Variants in KCNH5 observed in about 807,000 individuals in gnomAD.
KCNH5 encodes voltage-gated delayed rectifier potassium channel KCNH5.
In KCNH5, 46 loss-of-function variants were observed where a neutral mutation model predicts 96.1. The ratio of observed to expected loss-of-function variants is 0.48; its 90% CI spans 0.38 to 0.61. The LOEUF (loss-of-function observed/expected upper bound fraction) is 0.61, where lower values mean the gene tolerates loss of function less well. KCNH5 is among the 20% of genes least tolerant of loss of function. The pLI is 0.00. For missense variants in KCNH5, 907 were observed against 1,225.8 expected, an observed-to-expected ratio of 0.74 and a Z score of 3.88; for synonymous variants, 439 against 449.8, an observed-to-expected ratio of 0.98 and a Z score of 0.30.
intron 7 of KCNH5, among the ~76,000 whole-genome samples, chr14:62,916,494 A>G (rs1889277416): frequency 6.6e-6 from 1 of 152,248 alleles, no homozygotes; most frequent in Non-Finnish European, 1.5e-5. Flanking sequence ...AGAAATAATT[A>G]ACTTCGAGGG....
At chr14:62,861,168 T>G (rs954251286) in intron 7 of KCNH5, among the ~76,000 whole-genome samples, 2 of 152,142 alleles carry the variant, frequency 1.3e-5, no homozygotes, top group South Asian at 2.1e-4. Context: ...ACACACAACT[T>G]TATGTTCTCA....
Position 62,873,258 on chromosome 14 carries a change from A to G in KCNH5, c.1370-23406T>C, listed in dbSNP as rs549522147. On this transcript the variant is annotated intron_variant, in intron 7 of 10. Transcript: ENST00000322893. ...TATATACCCTCAAGTGTAAAAATTA[A>G]TTTGTTTTAAGCTATTAAAAAAGGA... is the stretch of plus-strand genomic sequence containing the variant. Among the ~76,000 whole-genome samples, 14 of 152,334 alleles carry G rather than the reference A, an allele frequency of 9.2e-5. No homozygotes were observed. In the South Asian group the frequency reaches 2.5e-3, roughly 27 times the overall value.
At chr14:62,748,549 CT>C (rs1291655333) in intron 10 of KCNH5, among the ~76,000 whole-genome samples, 1 of 152,108 alleles carries the variant, frequency 6.6e-6, no homozygotes, top group African/African-American at 2.4e-5. Flanking sequence ...TCGAATGCCC[CT>C]GACATATCTC....
At chr14:62,892,861 C>T (rs561965712) in intron 7 of KCNH5, among the ~76,000 whole-genome samples, 1 of 152,102 alleles carries the variant, frequency 6.6e-6, no homozygotes. Context: ...GTGTACCCCC[C>T]CAAAAATTTT....
At chr14:63,021,301 C>T (rs41422646) in intron 1 of KCNH5, among the ~76,000 whole-genome samples, 7,789 of 152,092 alleles carry the variant, frequency 0.051, 229 homozygotes, top group East Asian at 0.061. Flanking sequence ...AAATCCTTTC[C>T]GAGGCTAACA....
At chr14:62,974,394 T>A (rs139930993) in intron 6 of KCNH5, among the ~76,000 whole-genome samples, 4 of 152,300 alleles carry the variant, frequency 2.6e-5, no homozygotes, top group African/African-American at 9.6e-5. Context: ...CCCAAAGCTG[T>A]ATTCAAATGC....
chr14:62,973,363 T>A lies in KCNH5; in HGVS notation c.942+7509A>T, dbSNP rs189069739. 2.6e-5 allele frequency among the ~76,000 whole-genome samples: 4 copies of A among 152,282 alleles called. No individual in the cohort carries two copies. The East Asian group carries it at 7.7e-4, about 29-fold the overall frequency. ...ATTGGTTTGTCCCCTCAAATATATATGTTAAAACTTAATCCTCAATGCAAT... is the reference window on the plus strand; with the variant it reads ...ATTGGTTTGTCCCCTCAAATATATAAGTTAAAACTTAATCCTCAATGCAAT... On this transcript the variant is annotated intron_variant, in intron 6 of 10. Transcript: ENST00000322893.
At chr14:62,871,940 C>A (rs1176349261) in intron 7 of KCNH5, among the ~76,000 whole-genome samples, 1 of 152,184 alleles carries the variant, frequency 6.6e-6, no homozygotes, top group Non-Finnish European at 1.5e-5. Flanking sequence ...GTCAGTGAAT[C>A]CAATGCTCTG....
intron 7 of KCNH5, among the ~76,000 whole-genome samples, chr14:62,861,660 A>ACACACACAC (rs1421106535): frequency 2.9e-5 from 4 of 139,970 alleles, no homozygotes; most frequent in Non-Finnish European, 6.3e-5. Context: ...ACACACACAC[A>ACACACACAC]CACACACACA....
At chr14:62,748,915 G>T (rs544779736) in intron 10 of KCNH5, among the ~76,000 whole-genome samples, 1 of 152,198 alleles carries the variant, frequency 6.6e-6, no homozygotes, top group African/African-American at 2.4e-5. Context: ...AAACAGAAAG[G>T]CTTTCCAAGA....
chr14:62,737,239 AT>A (rs1885177585), intron 10 of KCNH5, among the ~76,000 whole-genome samples: 1 of 152,106 alleles, frequency 6.6e-6, no homozygotes, highest in East Asian at 1.9e-4. Context: ...CAAGGACTTC[AT>A]TTTTTGTTGG....
chr14:62,797,933 T>G (rs537367174), intron 9 of KCNH5, among the ~76,000 whole-genome samples: 9 of 152,144 alleles, frequency 5.9e-5, no homozygotes, highest in Admixed American at 5.9e-4. Context: ...GCCAGACTGG[T>G]CTCCAAGTCC....
Position 62,843,832 on chromosome 14 carries a change from C to T in KCNH5, c.1569+5821G>A, listed in dbSNP as rs556483476. On this transcript the variant is annotated intron_variant, in intron 8 of 10. Coordinates refer to ENST00000322893, the MANE Select transcript of KCNH5 (RefSeq NM_139318.5). ...GGAACCTCTTGAAGTATTTTAATAT[C>T]GAACCAAGAAAATGATGACATGTAT... Among the ~76,000 whole-genome samples the T allele has an allele frequency of 9.2e-5, 14 of 151,886 alleles. No homozygotes were observed. The South Asian group carries it at 2.3e-3, about 25-fold the overall frequency.
intron 6 of KCNH5, among the ~76,000 whole-genome samples, chr14:62,958,679 C>T (rs1387328020): frequency 1.3e-5 from 2 of 152,122 alleles, no homozygotes; most frequent in Admixed American, 6.6e-5. Flanking sequence ...CCCTAAATTG[C>T]TTAGCATCAC....
At chr14:62,925,732 A>T (rs953936453) in intron 7 of KCNH5, among the ~76,000 whole-genome samples, 2 of 152,130 alleles carry the variant, frequency 1.3e-5, no homozygotes, top group African/African-American at 4.8e-5. Context: ...TAAGACCACA[A>T]TAAAGCTTGT....
chr14:62,901,353 T>C (rs1190180700), intron 7 of KCNH5, among the ~76,000 whole-genome samples: 1 of 152,102 alleles, frequency 6.6e-6, no homozygotes, highest in Non-Finnish European at 1.5e-5. Flanking sequence ...TAGTACACAA[T>C]AGTTTTCCAA....
intron 9 of KCNH5, among the ~76,000 whole-genome samples, chr14:62,782,298 C>T (rs1886235536): frequency 6.6e-6 from 1 of 152,142 alleles, no homozygotes; most frequent in Non-Finnish European, 1.5e-5. Context: ...TTAAGAGGCA[C>T]TTCAGGGTAC....
intron 6 of KCNH5, among the ~76,000 whole-genome samples, chr14:62,969,576 G>C (rs866560790): frequency 1.3e-5 from 2 of 151,724 alleles, no homozygotes; most frequent in Admixed American, 1.3e-4. Flanking sequence ...ACACACACTG[G>C]GGCCTGATGG....
At chr14:62,734,063 T>C (rs1885106708) in intron 10 of KCNH5, among the ~76,000 whole-genome samples, 2 of 152,170 alleles carry the variant, frequency 1.3e-5, no homozygotes, top group South Asian at 4.1e-4. Flanking sequence ...TCCTAACTAA[T>C]GATTATCCTC....
Sources: gnomAD v4.1 joint callset for allele counts (sites outside exome capture counted in the v4.1 genomes callset) on GRCh38, gnomAD v4.1.1 for gene constraint, MANE v1.5 for transcripts, NCBI Gene and HGNC (gene_info 2026-07-23, HGNC 2026-07-21) for gene names.